The following G3BP2 variants were observed in gnomAD, a reference collection of about 807,000 sequenced individuals.
G3BP2 encodes the protein ras GTPase-activating protein-binding protein 2.
In G3BP2, 11 loss-of-function variants were observed where a neutral mutation model predicts 56.7. The observed-to-expected ratio is 0.19, with a 90% CI of 0.12 to 0.32. G3BP2 has a LOEUF of 0.32. Ranked by LOEUF, G3BP2 falls within the 10% of genes least tolerant of loss-of-function variation. The pLI, the probability that G3BP2 is intolerant of heterozygous loss-of-function variation, is 1.00. For synonymous variants in G3BP2, 165 were observed against 191.6 expected, an observed-to-expected ratio of 0.86 and a Z score of 1.15; for missense variants, 340 against 610.9, an observed-to-expected ratio of 0.56 and a Z score of 4.67.
At position 75,647,137 on chromosome 4, in the gene G3BP2, T is replaced by G; in HGVS notation, c.949A>C (p.Asn317His). 1 of 1,598,770 alleles carries G rather than the reference T, an allele frequency of 6.3e-7. No individual in the cohort carries two copies. Among genetic ancestry groups the G allele is most frequent in the Non-Finnish European group, 8.5e-7 (1 of 1,169,738 alleles). ...ATTATTCTACGGTTGTCAGAGTCAT[T>G]CTGTTCCATATCTCCTCTGCCTGAG... Reference protein sequence around the residue: ...PRPGRGDMEQNDSDNRRIIRY... With the variant: ...PRPGRGDMEQHDSDNRRIIRY... The change falls in exon 10 of 12, where the codon AAT (asparagine) becomes CAT (histidine). Residue 317 changes from asparagine (N) to histidine (H), a missense_variant. By Grantham distance (68) the Asn-to-His change is moderately conservative. Coordinates refer to ENST00000359707, the MANE Select transcript of G3BP2 (RefSeq NM_203505.3).
chr4:75,646,077 G>A (rs922994236), intron 11 of G3BP2, among the ~76,000 whole-genome samples: 1 of 152,130 alleles, frequency 6.6e-6, no homozygotes, highest in African/African-American at 2.4e-5. Flanking sequence ...CCAAAGTGCT[G>A]GGATTACAAG....
At position 75,673,274 on chromosome 4, in the gene G3BP2, G is replaced by T; in HGVS notation, c.-91C>A. 8.2e-7 allele frequency: 1 copy of T among 1,226,226 alleles called. No homozygotes were observed. The highest frequency in any genetic ancestry group is 1.0e-6 in the Non-Finnish European group (1 of 984,762). The allele number at this position is 1,226,226 out of a possible 1,614,324, so 76.0% of individuals were successfully genotyped here. A position where few individuals can be genotyped will look rare whatever the true frequency, so the allele number is the denominator to read the frequency against. ...GAAGAGTCGCTGAGGACCGGGTGCG[G>T]CGGGTTCTTATTGCTCGCCGCCCCC... On this transcript the variant is annotated 5_prime_UTR_variant, in exon 1 of 12. Coordinates refer to ENST00000359707, the MANE Select transcript of G3BP2 (RefSeq NM_203505.3).
At chr4:75,659,775 T>C (rs1306334084) in intron 2 of G3BP2, among the ~76,000 whole-genome samples, 1 of 152,218 alleles carries the variant, frequency 6.6e-6, no homozygotes, top group Non-Finnish European at 1.5e-5. Context: ...AATATACCTA[T>C]CAAGTGGGGC....
intron 1 of G3BP2, among the ~76,000 whole-genome samples, chr4:75,667,768 T>C (rs1485826220): frequency 6.6e-6 from 1 of 152,242 alleles, no homozygotes; most frequent in South Asian, 2.1e-4. Context: ...TACGCGCCTA[T>C]AGTCCCAGCT....
upstream of G3BP2, chr4:75,673,420 C>T (rs946422696): frequency 8.1e-6 from 10 of 1,232,182 alleles, no homozygotes; most frequent in East Asian, 3.2e-5. Context: ...CGTCCCGCCC[C>T]CTTTGCCACC....
chr4:75,674,753 C>T (rs1464019329), upstream of G3BP2, among the ~76,000 whole-genome samples: 43 of 107,162 alleles, frequency 4.0e-4, no homozygotes, highest in South Asian at 9.7e-3. Flanking sequence ...GATGGAGTCT[C>T]TCTGTGTCGC....
upstream of G3BP2, chr4:75,673,529 C>G: frequency 1.6e-6 from 2 of 1,232,210 alleles, no homozygotes; most frequent in Non-Finnish European, 1.0e-6. Flanking sequence ...ACCCAACCTT[C>G]CCGTGTCCCT....
At position 75,644,761 on chromosome 4, in the gene G3BP2, TAACTA is replaced by T; in HGVS notation, c.*664_*668del. 1 of 152,788 alleles carries T rather than the reference TAACTA, an allele frequency of 6.5e-6. No individual in the cohort carries two copies. 9.5% of individuals were successfully genotyped at this position (152,788 alleles called of 1,614,324 possible). A position where few individuals can be genotyped will look rare whatever the true frequency, so the allele number is the denominator to read the frequency against. On this transcript the variant is annotated 3_prime_UTR_variant, in exon 12 of 12. Coordinates refer to ENST00000359707, the MANE Select transcript of G3BP2 (RefSeq NM_203505.3). The stretch of plus-strand genomic sequence containing the variant: ...GTTCTAATTTTTATTATTTAGTTCA[TAACTA>T]AAATGATTTCCTTCTGGAATATACT...
chr4:75,647,343 G>T (rs1731308703), intron 9 of G3BP2, among the ~76,000 whole-genome samples, 186 bp from the exon 10 acceptor site: 1 of 152,194 alleles, frequency 6.6e-6, no homozygotes, highest in Non-Finnish European at 1.5e-5. Flanking sequence ...ACACTAAAAT[G>T]TAAAGTGAGG....
intron 3 of G3BP2, among the ~76,000 whole-genome samples, chr4:75,684,242 A>C (rs557854791): frequency 2.6e-5 from 4 of 152,094 alleles, no homozygotes; most frequent in African/African-American, 9.6e-5. Context: ...ATCTCTACTA[A>C]AAATACAAAA....
chr4:75,646,522 G>A (rs749689363), intron 10 of G3BP2, 66 bp from the exon 11 acceptor site: 21 of 925,800 alleles, frequency 2.3e-5, no homozygotes, highest in Non-Finnish European at 3.5e-5. Flanking sequence ...GGCTCTAATT[G>A]TTCAGGATGA....
Position 75,673,404 on chromosome 4 carries a change from C to T in G3BP2, c.-221G>A. 8.1e-7 allele frequency: 1 copy of T among 1,232,322 alleles called. No individual in the cohort carries two copies. The highest frequency in any genetic ancestry group is 1.0e-6 in the Non-Finnish European group (1 of 988,070). The allele number at this position is 1,232,322 out of a possible 1,614,324, so 76.3% of individuals were successfully genotyped here. A position where few individuals can be genotyped will look rare whatever the true frequency, so the allele number is the denominator to read the frequency against. On this transcript the variant is annotated 5_prime_UTR_variant, in exon 1 of 12. Transcript: ENST00000359707. Reference sequence around the variant, plus strand: ...AGGCGCTGCGACGTGCGACAAGGACCACGGACGTCCCGCCCCCTTTGCCAC... The same window carrying T: ...AGGCGCTGCGACGTGCGACAAGGACTACGGACGTCCCGCCCCCTTTGCCAC...
upstream of G3BP2, chr4:75,673,413 C>G (rs1321691570): frequency 4.1e-6 from 5 of 1,232,132 alleles, no homozygotes; most frequent in Admixed American, 4.2e-5. Flanking sequence ...CCACGGACGT[C>G]CCGCCCCCTT....
Position 75,657,063 on chromosome 4 carries a change from T to C in G3BP2, c.352-49A>G, listed in dbSNP as rs187223249. Reference sequence around the variant, plus strand: ...ATAAATATCCAGAAATCTGGTATTATATAAAAGAGCAAATTACATGGCATA... The same window carrying C: ...ATAAATATCCAGAAATCTGGTATTACATAAAAGAGCAAATTACATGGCATA... On this transcript the variant is annotated intron_variant, in intron 4 of 11. Transcript: ENST00000359707. The C allele has an allele frequency of 5.3e-4, 413 of 778,454 alleles. 2 individuals carry two copies. The African/African-American group carries it at 6.7e-3, about 13-fold the overall frequency. The allele number at this position is 778,454 out of a possible 1,614,324, so 48.2% of individuals were successfully genotyped here.
upstream of G3BP2, among the ~76,000 whole-genome samples, chr4:75,677,479 G>A (rs181127373): frequency 2.6e-5 from 4 of 152,184 alleles, no homozygotes; most frequent in Non-Finnish European, 5.9e-5. Flanking sequence ...GCTGAGGCAG[G>A]AGAATCACTT....
chr4:75,674,719 T>TATATATATA (rs57822618), upstream of G3BP2, among the ~76,000 whole-genome samples: 991 of 49,964 alleles, frequency 0.02, 2 homozygotes, highest in South Asian at 0.026. Context: ...TATATATATA[T>TATATATATA]TTTTTTTTTT....
intron 3 of G3BP2, among the ~76,000 whole-genome samples, chr4:75,708,778 C>T (rs961841213): frequency 6.6e-6 from 1 of 151,760 alleles, no homozygotes; most frequent in Admixed American, 6.6e-5. Flanking sequence ...TGAGATCAGC[C>T]TGGGCAGCAG....
intron 3 of G3BP2, among the ~76,000 whole-genome samples, chr4:75,682,410 G>A (rs1381909925): frequency 3.3e-5 from 4 of 119,426 alleles, no homozygotes; most frequent in Non-Finnish European, 7.0e-5. Context: ...GCGAGACTCC[G>A]TCTCAAAAAA....
At chr4:75,699,244 TC>T (rs1719237930) in intron 3 of G3BP2, among the ~76,000 whole-genome samples, 2 of 152,038 alleles carry the variant, frequency 1.3e-5, no homozygotes, top group African/African-American at 4.8e-5. Context: ...TCCTACAATA[TC>T]CCTCTCTAGC....
Sources: allele counts gnomAD v4.1 joint callset (sites outside exome capture counted in the v4.1 genomes callset), GRCh38; gene constraint gnomAD v4.1.1; transcripts MANE v1.5; gene names NCBI Gene and HGNC (gene_info 2026-07-23, HGNC 2026-07-21).